Variants in DCHS2 observed in about 807,000 individuals in gnomAD.
DCHS2 encodes the protein dachsous cadherin-related 2, also known as protocadherin-23.
DCHS2 carries 142 observed loss-of-function variants against 182.4 expected under a neutral mutation model. That is an observed-to-expected ratio of 0.78 (90% CI 0.68 to 0.89). DCHS2 has a LOEUF of 0.89. Ranked by LOEUF, DCHS2 falls within the 40% of genes least tolerant of loss-of-function variation. DCHS2 has a pLI of 0.00. For missense variants in DCHS2, 4,319 were observed against 4,198.6 expected (o/e 1.03, Z -0.79); for synonymous variants, 1,740 against 1,663.3 (o/e 1.05, Z -1.12).
chr4:154,454,209 G>T (rs1010835866), intron 1 of DCHS2, among the ~76,000 whole-genome samples: 1 of 151,938 alleles, frequency 6.6e-6, no homozygotes, highest in Non-Finnish European at 1.5e-5. Context: ...CCTTTCAAAA[G>T]AAATTGTTTT....
intron 1 of DCHS2, among the ~76,000 whole-genome samples, chr4:154,462,785 A>G (rs1735065911): frequency 1.3e-5 from 2 of 152,174 alleles, no homozygotes; most frequent in Non-Finnish European, 2.9e-5. Context: ...ATAGCTAAAG[A>G]CATAAATGTA....
intron 1 of DCHS2, among the ~76,000 whole-genome samples, chr4:154,389,258 T>C (rs1731559988): frequency 6.6e-6 from 1 of 152,122 alleles, no homozygotes; most frequent in Admixed American, 6.5e-5. Flanking sequence ...TCTTACCTTT[T>C]GTACTAGGTG....
chr4:154,347,442 CT>C (rs987812005), intron 3 of DCHS2, among the ~76,000 whole-genome samples: 2 of 151,588 alleles, frequency 1.3e-5, no homozygotes, highest in African/African-American at 4.9e-5. Flanking sequence ...CTCTGAGCTT[CT>C]GTTTATCACT....
rs573908526 is a variant in DCHS2 at position 154,245,034 on chromosome 4, T to C, written c.6942-2262A>G. ...TTACAACTTCAGGCATCCTACATAA[T>C]GCCTTGTCAGATTAAAAAGAAGTGA... is the stretch of plus-strand genomic sequence containing the variant. On this transcript the variant is annotated intron_variant, in intron 16 of 19. Transcript: ENST00000357232. 4.6e-5 allele frequency among the ~76,000 whole-genome samples: 7 copies of C among 152,252 alleles called. No homozygotes were observed. The South Asian group carries it at 1.2e-3, about 27-fold the overall frequency.
intron 1 of DCHS2, among the ~76,000 whole-genome samples, chr4:154,428,659 G>C (rs541615383): frequency 3.9e-5 from 6 of 152,240 alleles, no homozygotes; most frequent in Admixed American, 1.3e-4. Flanking sequence ...CTAGCACTTT[G>C]GAAGGGCAAG....
At chr4:154,397,596 A>T (rs1387006683) in intron 1 of DCHS2, among the ~76,000 whole-genome samples, 2 of 152,216 alleles carry the variant, frequency 1.3e-5, no homozygotes, top group African/African-American at 4.8e-5. Context: ...TTTTCTAGAC[A>T]ACAATCCCTC....
intron 3 of DCHS2, among the ~76,000 whole-genome samples, chr4:154,361,473 A>G (rs527355868): frequency 6.6e-6 from 1 of 152,306 alleles, no homozygotes; most frequent in East Asian, 1.9e-4. Context: ...AATTCACAAA[A>G]TGGGATTAAA....
At chr4:154,466,076 G>A in intron 1 of DCHS2, among the ~76,000 whole-genome samples, 1 of 152,050 alleles carries the variant, frequency 6.6e-6, no homozygotes. Flanking sequence ...AATTAATTAA[G>A]TTTCAAATTT....
intron 2 of DCHS2, among the ~76,000 whole-genome samples, chr4:154,369,757 T>C (rs1469517279): frequency 3.9e-5 from 6 of 152,230 alleles, no homozygotes; most frequent in Non-Finnish European, 8.8e-5. Context: ...ATGATTCATG[T>C]GGCATTTTTA....
chr4:154,235,910 G>A lies in DCHS2; in HGVS notation c.8742C>T (p.Val2914=). ...ASDADAGIDG[V]ILYSLGTSSP... ...ATGAGGTTCCAAGGGAGTAAAGAAT[G>A]ACTCCATCAATACCAGCATCTGCAT... The change falls in exon 20 of 20, where the codon GTC becomes GTT. Residue 2914 remains valine, a synonymous_variant. Transcript: ENST00000357232. 1 of 1,614,050 alleles carries A rather than the reference G, an allele frequency of 6.2e-7. No individual in the cohort carries two copies. The highest frequency in any genetic ancestry group is 8.5e-7 in the Non-Finnish European group (1 of 1,179,954).
intron 3 of DCHS2, among the ~76,000 whole-genome samples, chr4:154,363,524 A>T (rs1328979781): frequency 6.6e-6 from 1 of 152,192 alleles, no homozygotes; most frequent in Non-Finnish European, 1.5e-5. Flanking sequence ...GAACTCATAG[A>T]AACAGAGAGT....
intron 3 of DCHS2, chr4:154,343,576 T>C (rs1480808844): frequency 6.5e-7 from 1 of 1,528,500 alleles, no homozygotes; most frequent in Non-Finnish European, 8.8e-7. Flanking sequence ...CGTCTTCCCT[T>C]AAACCTCATG....
chr4:154,309,476 C>T (rs116091303), intron 10 of DCHS2, among the ~76,000 whole-genome samples: 212 of 152,288 alleles, frequency 1.4e-3, no homozygotes, highest in African/African-American at 4.9e-3. Context: ...GTCTGATAAT[C>T]CAAACATCTT....
chr4:154,490,446 C>G lies in DCHS2; in HGVS notation c.910G>C (p.Ala304Pro), dbSNP rs1276078975. 7.2e-6 allele frequency: 11 copies of G among 1,535,064 alleles called. No homozygotes were observed. The highest frequency in any genetic ancestry group is 8.7e-6 in the Non-Finnish European group (10 of 1,145,700). ...PVFEQDEYRA[A>P]VREDAQPGAE... ...CCCGGCTGGGCGTCCTCGCGCACCG[C>G]GGCGCGGTACTCGTCCTGCTCAAAG... Residue 304 changes from alanine to proline, a missense_variant, in exon 1 of 20, where the codon GCG becomes CCG. By Grantham distance (27) the Ala-to-Pro change is conservative (BLOSUM62 -1). Coordinates refer to ENST00000357232, the MANE Select transcript of DCHS2 (RefSeq NM_001358235.2).
At position 154,446,595 on chromosome 4, in the gene DCHS2, T is replaced by G. The variant is rs2110967412; in HGVS notation, c.2052+42709A>C. Among the ~76,000 whole-genome samples, 3 of 152,292 alleles carry G rather than the reference T, an allele frequency of 2.0e-5. No homozygotes were observed. The Middle Eastern group carries it at 0.01, about 518-fold the overall frequency. On this transcript the variant is annotated intron_variant, in intron 1 of 19. Coordinates refer to ENST00000357232, the MANE Select transcript of DCHS2 (RefSeq NM_001358235.2). Reference sequence around the variant, plus strand: ...ACTGAGTCAGAGAGTGTTTATGACCTGCCTGAGATCATATACAGAGAGTAA... The same window carrying G: ...ACTGAGTCAGAGAGTGTTTATGACCGGCCTGAGATCATATACAGAGAGTAA...
intron 1 of DCHS2, among the ~76,000 whole-genome samples, chr4:154,404,178 A>G (rs1732306256): frequency 6.6e-6 from 1 of 152,046 alleles, no homozygotes; most frequent in South Asian, 2.1e-4. Flanking sequence ...TCTAATAATT[A>G]TTTAACTGAA....
At chr4:154,370,099 A>G (rs1250891437) in intron 2 of DCHS2, among the ~76,000 whole-genome samples, 1 of 152,140 alleles carries the variant, frequency 6.6e-6, no homozygotes, top group Non-Finnish European at 1.5e-5. Context: ...ACTCCAGTCT[A>G]TATTTCATGA....
Position 154,235,544 on chromosome 4 carries a change from T to A in DCHS2, c.9108A>T (p.Leu3036Phe). ...NNYEEKKTSS[L>F]DADLRVTRDA... is the part of the protein sequence containing the mutation. ...CCCGGGTCACTCTCAAGTCCGCATCTAAAGATGAGGTTTTCTTCTCCTCAT... is the reference window on the plus strand; with the variant it reads ...CCCGGGTCACTCTCAAGTCCGCATCAAAAGATGAGGTTTTCTTCTCCTCAT... The change falls in exon 20 of 20, where the codon TTA (leucine) becomes TTT (phenylalanine). Residue 3036 changes from leucine (L) to phenylalanine (F), a missense_variant. By Grantham distance (22) the Leu-to-Phe change is conservative. Coordinates refer to ENST00000357232, the MANE Select transcript of DCHS2 (RefSeq NM_001358235.2). 1 of 1,614,122 alleles carries A rather than the reference T, an allele frequency of 6.2e-7. No homozygotes were observed. The highest frequency in any genetic ancestry group is 8.5e-7 in the Non-Finnish European group (1 of 1,179,974).
intron 1 of DCHS2, among the ~76,000 whole-genome samples, chr4:154,381,084 A>T (rs1731146792): frequency 6.6e-6 from 1 of 152,096 alleles, no homozygotes; most frequent in African/African-American, 2.4e-5. Context: ...TATGGTGCTG[A>T]TTGAGCATCA....
Sources: gnomAD v4.1 joint callset for allele counts (sites outside exome capture counted in the v4.1 genomes callset) on GRCh38, gnomAD v4.1.1 for gene constraint, MANE v1.5 for transcripts, NCBI Gene and HGNC (gene_info 2026-07-23, HGNC 2026-07-21) for gene names.